The following LANCL2 variants were observed in gnomAD, a reference collection of about 807,000 sequenced individuals.
LANCL2 encodes the protein lanC-like protein 2.
A neutral mutation model predicts 56.9 loss-of-function variants in LANCL2; 33 were observed. That is an observed-to-expected ratio of 0.58 (90% CI 0.44 to 0.78). LANCL2 has a LOEUF of 0.78. Ranked by LOEUF, LANCL2 falls within the 30% of genes least tolerant of loss-of-function variation. The probability of loss-of-function intolerance (pLI) is 0.00; values close to 1 mark genes in which losing one functional copy is unlikely to be tolerated. For synonymous variants in LANCL2, 233 were observed against 228.2 expected, an observed-to-expected ratio of 1.02 and a Z score of -0.19; for missense variants, 562 against 580.2, an observed-to-expected ratio of 0.97 and a Z score of 0.32.
At chr7:55,402,274 C>T (rs1266623112) in intron 5 of LANCL2, among the ~76,000 whole-genome samples, 31 of 95,600 alleles carry the variant, frequency 3.2e-4, no homozygotes, top group East Asian at 8.8e-4. Context: ...CCCTCCCGGA[C>T]GGGGCGGCTG....
chr7:55,412,118 CCT>C lies in LANCL2; in HGVS notation c.1008+30_1008+31del, dbSNP rs763469068. On this transcript the variant is annotated intron_variant, in intron 6 of 8. Transcript: ENST00000254770. ...AGTGCTTCCGCCGTCACGGCCGTCCCCTGTGTGGGGAGCCAGGTTTCCCTGTC... is the reference window on the plus strand; with the variant it reads ...AGTGCTTCCGCCGTCACGGCCGTCCCGTGTGGGGAGCCAGGTTTCCCTGTC... 21 of 1,583,118 alleles carry C rather than the reference CCT, an allele frequency of 1.3e-5. No homozygotes were observed. The East Asian group carries it at 1.8e-4, about 14-fold the overall frequency.
At chr7:55,381,964 C>T (rs940067072) in intron 1 of LANCL2, among the ~76,000 whole-genome samples, 2 of 152,176 alleles carry the variant, frequency 1.3e-5, no homozygotes, top group East Asian at 1.9e-4. Context: ...GAGATTTCTT[C>T]GCTGGTTGGG....
At chr7:55,415,400 A>G (rs1273740898) in intron 6 of LANCL2, among the ~76,000 whole-genome samples, 1 of 152,032 alleles carries the variant, frequency 6.6e-6, no homozygotes, top group African/African-American at 2.4e-5. Flanking sequence ...GTGGCCAACT[A>G]TTGTATATAT....
At chr7:55,426,880 G>A (rs1004886633) in intron 7 of LANCL2, among the ~76,000 whole-genome samples, 3 of 152,206 alleles carry the variant, frequency 2.0e-5, no homozygotes, top group Non-Finnish European at 2.9e-5. Context: ...TGTGATGATG[G>A]TAGATGACTA....
chr7:55,420,500 G>A (rs750886228), intron 6 of LANCL2, among the ~76,000 whole-genome samples: 2 of 152,168 alleles, frequency 1.3e-5, no homozygotes, highest in Non-Finnish European at 2.9e-5. Flanking sequence ...AATGTCCCAC[G>A]TGCGTTTGAA....
chr7:55,433,056 A>G lies in LANCL2; in HGVS notation c.*1736A>G, dbSNP rs1029381471. The G allele has an allele frequency of 6.6e-6, 1 of 152,362 alleles. No individual in the cohort carries two copies. Among genetic ancestry groups the G allele is most frequent in the Non-Finnish European group, 1.5e-5 (1 of 68,110 alleles). The allele number at this position is 152,362 out of a possible 1,614,324, so 9.4% of individuals were successfully genotyped here. The stretch of plus-strand genomic sequence containing the variant: ...CTCCCCACCCACCACATCAAAACAT[A>G]ACACATCACAGCACTCAGTAGAGGT... On this transcript the variant is annotated 3_prime_UTR_variant, in exon 9 of 9. Coordinates refer to ENST00000254770, the MANE Select transcript of LANCL2 (RefSeq NM_018697.4).
chr7:55,372,840 T>C (rs1180323723), intron 1 of LANCL2, among the ~76,000 whole-genome samples: 2 of 152,208 alleles, frequency 1.3e-5, no homozygotes, highest in Non-Finnish European at 2.9e-5. Context: ...TGGTTAGATG[T>C]ACAATATTTA....
At position 55,399,865 on chromosome 7, in the gene LANCL2, A is replaced by C; in HGVS notation, c.531-92A>C. On this transcript the variant is annotated intron_variant, in intron 3 of 8. Coordinates refer to ENST00000254770, the MANE Select transcript of LANCL2 (RefSeq NM_018697.4). ...TAATTGTTTTAAATGTAAAATAAAT[A>C]ATAGGTAATTCCTAAAGCAACAGGG... The C allele has an allele frequency of 3.1e-6, 3 of 972,856 alleles. No homozygotes were observed. The East Asian group carries it at 7.5e-5, about 24-fold the overall frequency. 60.3% of individuals were successfully genotyped at this position (972,856 alleles called of 1,614,324 possible).
At chr7:55,415,380 G>A (rs1415254758) in intron 6 of LANCL2, among the ~76,000 whole-genome samples, 3 of 152,186 alleles carry the variant, frequency 2.0e-5, no homozygotes, top group Non-Finnish European at 4.4e-5. Context: ...TGCATTGGGA[G>A]TGCCCCCTGG....
chr7:55,425,914 C>T (rs993016298), intron 7 of LANCL2, among the ~76,000 whole-genome samples: 6 of 152,218 alleles, frequency 3.9e-5, no homozygotes, highest in African/African-American at 1.4e-4. Context: ...CCCTGCGCAC[C>T]TTGGCCCCTC....
intron 5 of LANCL2, among the ~76,000 whole-genome samples, chr7:55,403,718 C>T (rs562361907): frequency 4.6e-5 from 7 of 151,728 alleles, no homozygotes; most frequent in South Asian, 4.2e-4. Flanking sequence ...ACTACAGGCG[C>T]GCACTACCAC....
Position 55,403,717 on chromosome 7 carries a change from G to A in LANCL2, c.825+2397G>A, listed in dbSNP as rs948489001. On this transcript the variant is annotated intron_variant, in intron 5 of 8. Transcript: ENST00000254770. The stretch of plus-strand genomic sequence containing the variant: ...CACCCGAGCAGCTGGGACTACAGGC[G>A]CGCACTACCACCTCCAGCTAATTTT... Among the ~76,000 whole-genome samples, 6 of 151,594 alleles carry A rather than the reference G, an allele frequency of 4.0e-5. No individual in the cohort carries two copies. In the East Asian group the frequency reaches 9.8e-4, roughly 25 times the overall value.
intron 2 of LANCL2, among the ~76,000 whole-genome samples, chr7:55,392,335 T>TTC (rs1790201501): frequency 6.7e-6 from 1 of 149,024 alleles, no homozygotes; most frequent in African/African-American, 2.5e-5. Flanking sequence ...TTTTTTTTCT[T>TTC]TTTTTTTTTT....
chr7:55,417,138 C>A (rs1455666433), intron 6 of LANCL2, among the ~76,000 whole-genome samples: 1 of 151,964 alleles, frequency 6.6e-6, no homozygotes, highest in African/African-American at 2.4e-5. Flanking sequence ...CGTCACCACG[C>A]CTGGCTAATT....
Position 55,425,264 on chromosome 7 carries a change from A to G in LANCL2, c.1019A>G (p.Glu340Gly). ...TTTTAATTTGCCCAGGTCTTTAAGGAGGAGAAGTACTTGAAAGAGGCCATG... is the reference window on the plus strand; with the variant it reads ...TTTTAATTTGCCCAGGTCTTTAAGGGGGAGAAGTACTTGAAAGAGGCCATG... ...MLMQAYKVFK[E>G]EKYLKEAMEC... The change falls in exon 7 of 9, where the codon GAG (glutamate) becomes GGG (glycine). Residue 340 changes from glutamate (E) to glycine (G), a missense_variant. Around this residue, in one of 2 missense-constraint regions of LANCL2, gnomAD observed 378 missense variants for 468.4 expected, o/e 0.81. Coordinates refer to ENST00000254770, the MANE Select transcript of LANCL2 (RefSeq NM_018697.4). 6.2e-7 allele frequency: 1 copy of G among 1,613,670 alleles called. No homozygotes were observed. Among genetic ancestry groups the G allele is most frequent in the Non-Finnish European group, 8.5e-7 (1 of 1,179,806 alleles).
intron 1 of LANCL2, among the ~76,000 whole-genome samples, chr7:55,382,975 T>G (rs1790085803): frequency 6.6e-6 from 1 of 152,196 alleles, no homozygotes; most frequent in Non-Finnish European, 1.5e-5. Context: ...AAATTCCTCT[T>G]GGCCAGCATG....
chr7:55,383,894 C>A, intron 1 of LANCL2, among the ~76,000 whole-genome samples: 1 of 152,134 alleles, frequency 6.6e-6, no homozygotes, highest in East Asian at 1.9e-4. Flanking sequence ...TCAGCCAACA[C>A]CCAGGAATAA....
chr7:55,420,846 A>G (rs980627870), intron 6 of LANCL2, among the ~76,000 whole-genome samples: 2 of 152,098 alleles, frequency 1.3e-5, no homozygotes, highest in Non-Finnish European at 2.9e-5. Flanking sequence ...TGGGAGGAGG[A>G]GTTTTACAGT....
intron 1 of LANCL2, 93 bp downstream of exon 1, chr7:55,366,322 C>T (rs1310023252): frequency 1.7e-6 from 2 of 1,192,580 alleles, no homozygotes; most frequent in Non-Finnish European, 2.3e-6. Flanking sequence ...CAGGCGCGCG[C>T]CGGGCTTGGG....
Sources: gnomAD v4.1 joint callset for allele counts (sites outside exome capture counted in the v4.1 genomes callset) on GRCh38, gnomAD v4.1.1 for gene constraint, gnomAD v4.1.1 regional missense constraint, MANE v1.5 for transcripts, NCBI Gene and HGNC (gene_info 2026-07-23, HGNC 2026-07-21) for gene names.